Variants in XKR4 observed in about 807,000 individuals in gnomAD.
The protein encoded by XKR4 is XK related 4, also known as XK-related protein 4.
In XKR4, 12 loss-of-function variants were observed where a neutral mutation model predicts 53.9. The ratio of observed to expected loss-of-function variants is 0.22; its 90% CI spans 0.14 to 0.36. XKR4 has a LOEUF of 0.36. XKR4 is among the 10% of genes least tolerant of loss of function. The pLI is 1.00. For missense variants in XKR4, 799 were observed against 859.5 expected, an observed-to-expected ratio of 0.93 and a Z score of 0.88; for synonymous variants, 354 against 362.4, an observed-to-expected ratio of 0.98 and a Z score of 0.26.
intron 1 of XKR4, among the ~76,000 whole-genome samples, chr8:55,333,233 G>T (rs895651852): frequency 2.6e-5 from 4 of 151,866 alleles, no homozygotes; most frequent in African/African-American, 9.7e-5. Context: ...TGTTTCTTCG[G>T]GGTTGGTTTC....
At chr8:55,387,322 G>C (rs563911710) in intron 2 of XKR4, among the ~76,000 whole-genome samples, 124 of 152,152 alleles carry the variant, frequency 8.1e-4, no homozygotes, top group African/African-American at 2.8e-3. Flanking sequence ...TGTGACTATC[G>C]TGGATCACCT....
chr8:55,351,794 C>T (rs547508767), intron 1 of XKR4, among the ~76,000 whole-genome samples: 4 of 152,366 alleles, frequency 2.6e-5, no homozygotes, highest in Admixed American at 1.3e-4. Context: ...TACTTTTCTC[C>T]TGGCCCTACT....
At chr8:55,315,995 A>T (rs1344041905) in intron 1 of XKR4, among the ~76,000 whole-genome samples, 1 of 152,210 alleles carries the variant, frequency 6.6e-6, no homozygotes, top group Admixed American at 6.5e-5. Context: ...TGGGACTTAG[A>T]TCTTAGCTGG....
At chr8:55,508,895 GA>G (rs929219056) in intron 2 of XKR4, among the ~76,000 whole-genome samples, 3 of 152,192 alleles carry the variant, frequency 2.0e-5, no homozygotes, top group Admixed American at 2.0e-4. Flanking sequence ...ACTTGACTTT[GA>G]GGTGAGTCTT....
chr8:55,409,565 GTTT>G (rs11381160), intron 2 of XKR4, among the ~76,000 whole-genome samples: 2 of 149,140 alleles, frequency 1.3e-5, no homozygotes, highest in African/African-American at 4.9e-5. Context: ...ACATGAAACA[GTTT>G]TTTTTTTTTC....
intron 2 of XKR4, among the ~76,000 whole-genome samples, chr8:55,415,950 T>G (rs1165159305): frequency 6.6e-6 from 1 of 152,196 alleles, no homozygotes; most frequent in African/African-American, 2.4e-5. Context: ...ATCAAAACAA[T>G]GGTCACCTGG....
At chr8:55,498,826 T>C (rs1188444119) in intron 2 of XKR4, among the ~76,000 whole-genome samples, 1 of 152,120 alleles carries the variant, frequency 6.6e-6, no homozygotes, top group Non-Finnish European at 1.5e-5. Flanking sequence ...CACTACTTTA[T>C]GTCTATATCC....
intron 1 of XKR4, among the ~76,000 whole-genome samples, chr8:55,111,637 C>T (rs1484792927): frequency 3.9e-5 from 6 of 152,096 alleles, no homozygotes; most frequent in Middle Eastern, 3.2e-3. Context: ...TCTACATATT[C>T]GAAATGATGT....
At chr8:55,122,837 T>C (rs959510258) in intron 1 of XKR4, among the ~76,000 whole-genome samples, 7 of 152,140 alleles carry the variant, frequency 4.6e-5, no homozygotes, top group African/African-American at 1.4e-4. Context: ...TAATTAAACC[T>C]GTAGTCACCT....
At position 55,537,172 on chromosome 8, in the gene XKR4, G is replaced by A. The variant is rs1362913221; in HGVS notation, c.*12945G>A. On this transcript the variant is annotated 3_prime_UTR_variant, in exon 3 of 3. Transcript: ENST00000327381. ...TCATGCCAATTTCCAAGCACCAACT[G>A]GTTACCACAAACATGGGAATATTTA... 1 of 152,134 alleles carries A rather than the reference G, an allele frequency of 6.6e-6. No individual in the cohort carries two copies. Among genetic ancestry groups the A allele is most frequent in the Non-Finnish European group, 1.5e-5 (1 of 68,036 alleles). 9.4% of individuals were successfully genotyped at this position (152,134 alleles called of 1,614,324 possible).
At chr8:55,158,261 G>C (rs756983258) in intron 1 of XKR4, among the ~76,000 whole-genome samples, 1 of 152,160 alleles carries the variant, frequency 6.6e-6, no homozygotes, top group Non-Finnish European at 1.5e-5. Flanking sequence ...GATTAGTGAC[G>C]TTGAGGATTT....
intron 1 of XKR4, among the ~76,000 whole-genome samples, chr8:55,332,888 A>G (rs1412234642): frequency 1.3e-5 from 2 of 150,416 alleles, no homozygotes; most frequent in African/African-American, 4.9e-5. Context: ...ATGATGTCTC[A>G]TAAGTCCCTC....
chr8:55,375,449 C>A (rs147549875), intron 2 of XKR4, among the ~76,000 whole-genome samples: 1 of 152,142 alleles, frequency 6.6e-6, no homozygotes, highest in Non-Finnish European at 1.5e-5. Flanking sequence ...TTTCACCTAA[C>A]CTTGAGGTGA....
chr8:55,434,410 C>CGTGTGTGTGT (rs10598891), intron 2 of XKR4, among the ~76,000 whole-genome samples: 73 of 148,246 alleles, frequency 4.9e-4, no homozygotes, highest in Middle Eastern at 6.9e-3. Context: ...TGATACCAAT[C>CGTGTGTGTGT]GTGTGTGTGT....
In XKR4 at chr8:55,536,484, C is replaced by G. The variant is rs1454738863; in HGVS notation, c.*12257C>G. 6.6e-6 allele frequency: 1 copy of G among 152,164 alleles called. No homozygotes were observed. Among genetic ancestry groups the G allele is most frequent in the African/African-American group, 2.4e-5 (1 of 41,440 alleles). The allele number at this position is 152,164 out of a possible 1,614,324, so 9.4% of individuals were successfully genotyped here. A position where few individuals can be genotyped will look rare whatever the true frequency, so the allele number is the denominator to read the frequency against. On this transcript the variant is annotated 3_prime_UTR_variant, in exon 3 of 3. Coordinates refer to ENST00000327381, the MANE Select transcript of XKR4 (RefSeq NM_052898.2). ...ATGAAAAGTGGCCAAGTAGATCACT[C>G]AAGTGGTAAATTTGGTCTTCATGAT...
intron 1 of XKR4, among the ~76,000 whole-genome samples, chr8:55,247,998 G>A (rs1286694705): frequency 1.3e-5 from 2 of 150,960 alleles, no homozygotes; most frequent in African/African-American, 2.4e-5. Context: ...TGGGACTACA[G>A]GTGCGTGCCA....
chr8:55,367,845 T>C (rs1429963863), intron 2 of XKR4, among the ~76,000 whole-genome samples: 2 of 152,124 alleles, frequency 1.3e-5, no homozygotes, highest in East Asian at 1.9e-4. Context: ...GATAACACTC[T>C]CTCCAAACAC....
At chr8:55,381,736 A>G (rs1421776154) in intron 2 of XKR4, among the ~76,000 whole-genome samples, 1 of 152,176 alleles carries the variant, frequency 6.6e-6, no homozygotes, top group African/African-American at 2.4e-5. Context: ...CCAGGAAATA[A>G]TGCTTTGCCA....
At chr8:55,314,617 G>C (rs902160546) in intron 1 of XKR4, among the ~76,000 whole-genome samples, 1 of 152,210 alleles carries the variant, frequency 6.6e-6, no homozygotes, top group Non-Finnish European at 1.5e-5. Flanking sequence ...TTCTTTAAGA[G>C]TTAGAATTTT....
Sources: gnomAD v4.1 joint callset for allele counts (sites outside exome capture counted in the v4.1 genomes callset) on GRCh38, gnomAD v4.1.1 for gene constraint, MANE v1.5 for transcripts, NCBI Gene and HGNC (gene_info 2026-07-23, HGNC 2026-07-21) for gene names.